Variants in LRFN2 observed in about 807,000 individuals in gnomAD.
LRFN2 encodes leucine-rich repeat and fibronectin type-III domain-containing protein 2.
In LRFN2, 18 loss-of-function variants were observed where a neutral mutation model predicts 37.3. The observed-to-expected ratio is 0.48, with a 90% CI of 0.33 to 0.72. LRFN2 has a LOEUF of 0.72. LRFN2 is among the 30% of genes least tolerant of loss of function. The probability of loss-of-function intolerance (pLI) is 0.02; values close to 1 mark genes in which losing one functional copy is unlikely to be tolerated. For synonymous variants in LRFN2, 556 were observed against 466.6 expected (o/e 1.19, Z -2.47); for missense variants, 1,006 against 1,060.7 (o/e 0.95, Z 0.72).
chr6:40,468,991 C>G (rs1764534257), intron 1 of LRFN2, among the ~76,000 whole-genome samples: 1 of 152,136 alleles, frequency 6.6e-6, no homozygotes. Flanking sequence ...AATCCCTGAA[C>G]CTGTGAATGT....
At chr6:40,529,947 C>A (rs534497606) in intron 1 of LRFN2, among the ~76,000 whole-genome samples, 1 of 152,180 alleles carries the variant, frequency 6.6e-6, no homozygotes, top group Non-Finnish European at 1.5e-5. Flanking sequence ...ATTGCAGATA[C>A]CCAAATAGAA....
At chr6:40,540,698 G>A (rs1766537791) in intron 1 of LRFN2, among the ~76,000 whole-genome samples, 1 of 152,196 alleles carries the variant, frequency 6.6e-6, no homozygotes, top group Non-Finnish European at 1.5e-5. Context: ...CTTCTGCAGA[G>A]TATTATTTCC....
At chr6:40,508,138 C>T (rs1428866869) in intron 1 of LRFN2, among the ~76,000 whole-genome samples, 3 of 152,238 alleles carry the variant, frequency 2.0e-5, no homozygotes, top group Non-Finnish European at 2.9e-5. Context: ...TCCAAGCCCT[C>T]ACCTCCACCT....
chr6:40,538,308 G>A (rs1005630221), intron 1 of LRFN2, among the ~76,000 whole-genome samples: 5 of 152,058 alleles, frequency 3.3e-5, no homozygotes, highest in South Asian at 2.1e-4. Flanking sequence ...CCCTACTCCC[G>A]GGCCTCCAGC....
chr6:40,485,036 T>G (rs764743142), intron 1 of LRFN2, among the ~76,000 whole-genome samples: 21 of 152,240 alleles, frequency 1.4e-4, no homozygotes, highest in Admixed American at 2.0e-4. Context: ...TCTGCATTCA[T>G]GTTTGTCATC....
chr6:40,563,253 C>T (rs879449655), intron 1 of LRFN2, among the ~76,000 whole-genome samples: 12 of 152,140 alleles, frequency 7.9e-5, no homozygotes, highest in African/African-American at 2.4e-4. Flanking sequence ...TCAGTTGCTC[C>T]GTGTCTGTGA....
At chr6:40,459,969 C>T (rs1242450937) in intron 1 of LRFN2, among the ~76,000 whole-genome samples, 1 of 152,226 alleles carries the variant, frequency 6.6e-6, no homozygotes, top group Non-Finnish European at 1.5e-5. Context: ...TAGGAAGCTG[C>T]AATTGCAAGC....
Position 40,432,823 on chromosome 6 carries a change from C to T in LRFN2, c.291G>A (p.Leu97=). The change falls in exon 2 of 3, where the codon CTG becomes CTA. Residue 97 remains leucine, a synonymous_variant. Coordinates refer to ENST00000338305, the MANE Select transcript of LRFN2 (RefSeq NM_020737.3). ...TISHIQPFSF[L]DLESLRSLHL... is the part of the protein sequence containing the mutation. ...GCAGGGAGCGGAGGCTCTCGAGGTCCAGAAAGGAAAAGGGCTGGATGTGGC... is the reference window on the plus strand; with the variant it reads ...GCAGGGAGCGGAGGCTCTCGAGGTCTAGAAAGGAAAAGGGCTGGATGTGGC... 1 of 1,614,194 alleles carries T rather than the reference C, an allele frequency of 6.2e-7. No individual in the cohort carries two copies. The highest frequency in any genetic ancestry group is 8.5e-7 in the Non-Finnish European group (1 of 1,180,050).
intron 2 of LRFN2, among the ~76,000 whole-genome samples, chr6:40,411,901 G>A (rs1762976588): frequency 6.6e-6 from 1 of 152,002 alleles, no homozygotes; most frequent in Non-Finnish European, 1.5e-5. Context: ...CCTCTCATAA[G>A]GACCAGGATT....
intron 1 of LRFN2, among the ~76,000 whole-genome samples, chr6:40,559,509 G>A (rs1319301135): frequency 6.6e-6 from 1 of 152,118 alleles, no homozygotes; most frequent in Non-Finnish European, 1.5e-5. Flanking sequence ...AGAGTCTATG[G>A]GAGCCTGGCC....
At chr6:40,525,446 G>A (rs1027052528) in intron 1 of LRFN2, among the ~76,000 whole-genome samples, 1 of 152,210 alleles carries the variant, frequency 6.6e-6, no homozygotes, top group Non-Finnish European at 1.5e-5. Context: ...TGCCTGATCT[G>A]TAAGTGTCTA....
intron 1 of LRFN2, among the ~76,000 whole-genome samples, chr6:40,463,514 T>A (rs147118563): frequency 1.1e-3 from 164 of 152,238 alleles, no homozygotes; most frequent in African/African-American, 3.6e-3. Flanking sequence ...TTGAACATCT[T>A]CCAATGGGTG....
intron 1 of LRFN2, among the ~76,000 whole-genome samples, chr6:40,553,525 T>C (rs1416766720): frequency 6.6e-6 from 1 of 152,090 alleles, no homozygotes; most frequent in Non-Finnish European, 1.5e-5. Flanking sequence ...ACACTCCATT[T>C]GTAAATAGGG....
At chr6:40,565,009 C>T (rs1047415236) in intron 1 of LRFN2, among the ~76,000 whole-genome samples, 3 of 152,166 alleles carry the variant, frequency 2.0e-5, no homozygotes, top group African/African-American at 4.8e-5. Flanking sequence ...ACCATCAGGA[C>T]GCCTGTCAGT....
chr6:40,483,403 C>T (rs1417856052), intron 1 of LRFN2, among the ~76,000 whole-genome samples: 1 of 152,188 alleles, frequency 6.6e-6, no homozygotes, highest in Non-Finnish European at 1.5e-5. Flanking sequence ...TTGGGGTTCA[C>T]CCGTGCTTCC....
In LRFN2 at chr6:40,392,657, G is replaced by A. The variant is rs768443019; in HGVS notation, c.1656C>T (p.Ile552=). The A allele has an allele frequency of 3.1e-6, 5 of 1,613,204 alleles. No homozygotes were observed. Among genetic ancestry groups the A allele is most frequent in the Non-Finnish European group, 4.2e-6 (5 of 1,180,048 alleles). Residue 552 remains isoleucine (I), a synonymous_variant, in exon 3 of 3, where the codon ATC becomes ATT. Transcript: ENST00000338305. The surrounding 1 kb of genome is among the most constrained non-coding windows in gnomAD (Gnocchi z 4.7). ...TGCAGACCTTGTAGCGCACCATGAG[G>A]ATGACGATGAAGACCAGCAGCGTGG... ...IVATLLVFIV[I]LMVRYKVCNH...
chr6:40,422,875 G>T (rs1308999566), intron 2 of LRFN2, among the ~76,000 whole-genome samples: 2 of 152,158 alleles, frequency 1.3e-5, no homozygotes, highest in Non-Finnish European at 2.9e-5. Context: ...CTTCATTTCA[G>T]AAAAGAGGGA....
chr6:40,525,022 C>A (rs907250347), intron 1 of LRFN2, among the ~76,000 whole-genome samples: 2 of 152,200 alleles, frequency 1.3e-5, no homozygotes, highest in Admixed American at 6.5e-5. Context: ...AGTCACTTCC[C>A]CTCTCTGAAC....
chr6:40,515,343 G>C (rs1765833150), intron 1 of LRFN2, among the ~76,000 whole-genome samples: 1 of 152,202 alleles, frequency 6.6e-6, no homozygotes, highest in Non-Finnish European at 1.5e-5. Flanking sequence ...GAAAACAGCA[G>C]ACCCAGGAGA....
Sources: allele counts gnomAD v4.1 joint callset (sites outside exome capture counted in the v4.1 genomes callset), GRCh38; gene constraint gnomAD v4.1.1; non-coding constraint Gnocchi (gnomAD v3.1); transcripts MANE v1.5; gene names NCBI Gene and HGNC (gene_info 2026-07-23, HGNC 2026-07-21).